The following RIMS2 variants were observed in gnomAD, a reference collection of about 807,000 sequenced individuals.
RIMS2 encodes the protein regulating synaptic membrane exocytosis protein 2.
In RIMS2, 59 loss-of-function variants were observed where a neutral mutation model predicts 174.4. The observed-to-expected ratio is 0.34, with a 90% CI of 0.27 to 0.42. The LOEUF is 0.42. Ranked by LOEUF, RIMS2 falls within the 10% of genes least tolerant of loss-of-function variation. The pLI is 1.00. For missense variants in RIMS2, 1,620 were observed against 1,666.3 expected (o/e 0.97, Z 0.48); for synonymous variants, 606 against 572.5 (o/e 1.06, Z -0.84).
intron 19 of RIMS2, among the ~76,000 whole-genome samples, chr8:104,146,883 G>A (rs1289841236): frequency 6.6e-6 from 1 of 151,884 alleles, no homozygotes; most frequent in East Asian, 1.9e-4. Context: ...TTTTTGTAAA[G>A]ATGGGGTCTC....
intron 15 of RIMS2, among the ~76,000 whole-genome samples, chr8:103,972,165 A>G (rs1420785734): frequency 1.3e-5 from 2 of 152,170 alleles, no homozygotes; most frequent in Non-Finnish European, 2.9e-5. Context: ...TGCCCACCTG[A>G]CATCTTCACT....
At chr8:103,618,442 C>T (rs1030898704) in intron 1 of RIMS2, among the ~76,000 whole-genome samples, 2 of 152,000 alleles carry the variant, frequency 1.3e-5, no homozygotes, top group Admixed American at 6.6e-5. Context: ...GCAGTACAGC[C>T]AGTGTATGCT....
chr8:103,941,995 A>AT (rs2082649989), intron 13 of RIMS2, among the ~76,000 whole-genome samples: 1 of 152,104 alleles, frequency 6.6e-6, no homozygotes. Context: ...GTAAGAGTTA[A>AT]TTTTTTTTAA....
intron 19 of RIMS2, among the ~76,000 whole-genome samples, chr8:104,060,276 A>G (rs2096958335): frequency 6.7e-6 from 1 of 150,372 alleles, no homozygotes; most frequent in Non-Finnish European, 1.5e-5. Flanking sequence ...CAGAGATTCA[A>G]CTTCTTCCTG....
At chr8:103,551,931 A>G (rs1231394465) in intron 1 of RIMS2, among the ~76,000 whole-genome samples, 1 of 152,210 alleles carries the variant, frequency 6.6e-6, no homozygotes, top group Non-Finnish European at 1.5e-5. Flanking sequence ...ACTACAAACC[A>G]CTGCTCAACG....
At chr8:103,879,965 G>T (rs2099159687) in intron 3 of RIMS2, among the ~76,000 whole-genome samples, 1 of 151,466 alleles carries the variant, frequency 6.6e-6, no homozygotes, top group East Asian at 1.9e-4. Context: ...AGCAAAATTT[G>T]ATTTAAACTT....
At chr8:103,780,824 A>G (rs901602583) in intron 3 of RIMS2, among the ~76,000 whole-genome samples, 7 of 152,002 alleles carry the variant, frequency 4.6e-5, no homozygotes, top group Non-Finnish European at 8.8e-5. Flanking sequence ...CTTTGCATTG[A>G]AAGGTTATTT....
chr8:103,886,134 T>C (rs747951748), exon 4 of RIMS2: 1 of 1,613,060 alleles, frequency 6.2e-7, no homozygotes, highest in Non-Finnish European at 8.5e-7. Flanking sequence ...CAGATTTCGT[T>C]GAGCAGTTCA....
At chr8:103,697,429 C>A in intron 2 of RIMS2, 133 bp downstream of exon 4, 1 of 762,100 alleles carries the variant, frequency 1.3e-6, no homozygotes, top group Middle Eastern at 3.6e-4. Flanking sequence ...ATGCTTGTGG[C>A]CAGACACGAT....
chr8:103,547,339 A>G (rs530002672), intron 1 of RIMS2, among the ~76,000 whole-genome samples: 6 of 152,304 alleles, frequency 3.9e-5, no homozygotes, highest in African/African-American at 1.4e-4. Flanking sequence ...TGAGTGAATG[A>G]AGATATTGAA....
intron 3 of RIMS2, among the ~76,000 whole-genome samples, chr8:103,849,779 A>G (rs116787357): frequency 1.9e-3 from 284 of 152,140 alleles, no homozygotes; most frequent in African/African-American, 6.6e-3. Context: ...TCTGTAAAGG[A>G]CATTAACAGT....
At chr8:103,926,701 A>G (rs965735509) in intron 10 of RIMS2, among the ~76,000 whole-genome samples, 1 of 151,514 alleles carries the variant, frequency 6.6e-6, no homozygotes, top group African/African-American at 2.4e-5. Flanking sequence ...CATCCATAAG[A>G]AATGTGAGGA....
chr8:104,125,646 T>A (rs1175416799), intron 19 of RIMS2, among the ~76,000 whole-genome samples: 1 of 152,152 alleles, frequency 6.6e-6, no homozygotes, highest in Non-Finnish European at 1.5e-5. Flanking sequence ...ATAATTTTTT[T>A]AAAATTGATA....
intron 2 of RIMS2, among the ~76,000 whole-genome samples, chr8:103,736,403 A>G (rs1455755410): frequency 1.3e-5 from 2 of 152,200 alleles, no homozygotes; most frequent in African/African-American, 2.4e-5. Flanking sequence ...ACTTGTATGA[A>G]CAGACCTAGC....
intron 10 of RIMS2, among the ~76,000 whole-genome samples, chr8:103,923,691 A>C (rs2078168509): frequency 6.6e-6 from 1 of 151,752 alleles, no homozygotes. Context: ...ATTAGTAGTA[A>C]AACTTTTAGC....
chr8:104,146,710 C>A (rs2098642985), intron 19 of RIMS2, among the ~76,000 whole-genome samples: 1 of 151,860 alleles, frequency 6.6e-6, no homozygotes, highest in African/African-American at 2.4e-5. Context: ...ATTTCTTTTT[C>A]TTTTTTCTGA....
At chr8:104,150,197 T>C (rs2098677941) in intron 19 of RIMS2, among the ~76,000 whole-genome samples, 1 of 152,134 alleles carries the variant, frequency 6.6e-6, no homozygotes, top group Non-Finnish European at 1.5e-5. Flanking sequence ...CTCTAAAAAA[T>C]AAAGTCTACT....
At chr8:103,695,045 AG>A (rs143700394) in intron 1 of RIMS2, among the ~76,000 whole-genome samples, 9,939 of 152,268 alleles carry the variant, frequency 0.065, 400 homozygotes, top group South Asian at 0.088. Flanking sequence ...CTGATATTGG[AG>A]TTCAAGGCAG....
chr8:104,227,204 T>C (rs1023312939), intron 19 of RIMS2, among the ~76,000 whole-genome samples: 4 of 131,268 alleles, frequency 3.0e-5, no homozygotes, highest in African/African-American at 1.3e-4. Flanking sequence ...TTTGTATACT[T>C]GGAGCTCTTT....
Sources: gnomAD v4.1 joint callset for allele counts (sites outside exome capture counted in the v4.1 genomes callset) on GRCh38, gnomAD v4.1.1 for gene constraint, MANE v1.5 for transcripts, NCBI Gene and HGNC (gene_info 2026-07-23, HGNC 2026-07-21) for gene names.